UNC79: variants seen among roughly 807,000 people sequenced by gnomAD.
UNC79 encodes unc-79 subunit of NALCN channel complex.
A neutral mutation model predicts 283.1 loss-of-function variants in UNC79; 37 were observed. The ratio of observed to expected loss-of-function variants is 0.13; its 90% CI spans 0.10 to 0.17. UNC79 has a LOEUF of 0.17. Ranked by LOEUF, UNC79 falls within the 10% of genes least tolerant of loss-of-function variation. The pLI, the probability that UNC79 is intolerant of heterozygous loss-of-function variation, is 1.00. For synonymous variants in UNC79, 1,107 were observed against 1,200.2 expected (o/e 0.92, Z 1.61); for missense variants, 2,272 against 3,211.1 (o/e 0.71, Z 7.07).
rs530579449 is a variant in UNC79 at position 93,518,188 on chromosome 14, C to T, written c.899-5790C>T. Among the ~76,000 whole-genome samples, 3 of 151,888 alleles carry T rather than the reference C, an allele frequency of 2.0e-5. No homozygotes were observed. In the South Asian group the frequency reaches 6.2e-4, roughly 32 times the overall value. ...TTATGTAAGATTTGTATTATTTATT[C>T]TTTCAATGATTAATAGAATTTACTG... On this transcript the variant is annotated intron_variant, in intron 7 of 48. Coordinates refer to ENST00000555664, the Ensembl canonical transcript of UNC79.
intron 11 of UNC79, 126 bp from the exon 12 acceptor site, chr14:93,537,863 T>C: frequency 1.1e-6 from 1 of 873,104 alleles, no homozygotes; most frequent in Non-Finnish European, 1.7e-6. Context: ...ACCTGCGCTT[T>C]GGAAACTAGT....
intron 1 of UNC79, among the ~76,000 whole-genome samples, chr14:93,361,091 G>C (rs2054211105): frequency 6.6e-6 from 1 of 151,290 alleles, no homozygotes. Flanking sequence ...GTACACGCCT[G>C]TAATCCCAGC....
chr14:93,562,425 A>G (rs183270490), intron 14 of UNC79, among the ~76,000 whole-genome samples: 1 of 152,312 alleles, frequency 6.6e-6, no homozygotes, highest in African/African-American at 2.4e-5. Context: ...CTGAGCAAGA[A>G]AGTGCGTCCA....
Position 93,474,222 on chromosome 14 carries a change from A to G in UNC79, c.277A>G (p.Thr93Ala), listed in dbSNP as rs986166135. The G allele has an allele frequency of 9.8e-6, 15 of 1,535,670 alleles. No homozygotes were observed. Among genetic ancestry groups the G allele is most frequent in the Admixed American group, 5.9e-5 (3 of 50,954 alleles). The change falls in exon 3 of 49, where the codon ACT becomes GCT. Residue 93 changes from threonine (T) to alanine (A), a missense_variant. This residue lies in a region of UNC79 where 194 missense variants were observed against 268.9 expected (regional missense o/e 0.72). Transcript: ENST00000555664. The surrounding 1 kb of genome is among the most constrained non-coding windows in gnomAD (Gnocchi z 4.1). Reference sequence around the variant, plus strand: ...ACCGCAGGTCAGTTCCATCAACCCTACTGTTACTCGCTCCCTCCTTTACAG... The same window carrying G: ...ACCGCAGGTCAGTTCCATCAACCCTGCTGTTACTCGCTCCCTCCTTTACAG...
rs548605162 is a variant in UNC79, at chr14:93,610,808, G to T, written c.3755-1989G>T. Among the ~76,000 whole-genome samples, 482 of 152,082 alleles carry T rather than the reference G, an allele frequency of 3.2e-3. 3 individuals are homozygous for T. The highest frequency in any genetic ancestry group is 5.1e-3 in the Non-Finnish European group (344 of 67,972). ...GTATTTTTGGTAGAGACCAGGTCTT[G>T]TCATGTTGCCTAGGCTGGTCTCAAA... is the stretch of plus-strand genomic sequence containing the variant. On this transcript the variant is annotated intron_variant, in intron 26 of 48. Coordinates refer to ENST00000555664, the Ensembl canonical transcript of UNC79.
intron 3 of UNC79, among the ~76,000 whole-genome samples, chr14:93,475,433 G>A (rs1425129812): frequency 6.6e-6 from 1 of 152,152 alleles, no homozygotes; most frequent in Admixed American, 6.5e-5. Context: ...AAAATCTACG[G>A]AGATAAAAAT....
chr14:93,497,005 C>A (rs1163653670), intron 6 of UNC79, 152 bp from the exon 7 acceptor site: 4 of 784,786 alleles, frequency 5.1e-6, no homozygotes, highest in Non-Finnish European at 7.9e-6. Context: ...TTGACGTGAT[C>A]TAATCTATGA....
intron 17 of UNC79, among the ~76,000 whole-genome samples, chr14:93,576,386 A>G (rs963479451): frequency 6.6e-6 from 1 of 152,136 alleles, no homozygotes; most frequent in Admixed American, 6.5e-5. Context: ...ATGCAATATA[A>G]CTTTGTAACA....
chr14:93,541,346 T>C (rs7151653), intron 13 of UNC79, among the ~76,000 whole-genome samples: 152,082 of 152,370 alleles, frequency 1, 75,900 homozygotes, highest in Middle Eastern at 1. Context: ...ACTGATTTAA[T>C]TTCAACATCT....
Position 93,598,278 on chromosome 14 carries a change from G to A in UNC79, c.3372+738G>A, listed in dbSNP as rs535246487. 2.3e-3 allele frequency among the ~76,000 whole-genome samples: 348 copies of A among 151,836 alleles called. 3 individuals carry two copies. The highest frequency in any genetic ancestry group is 8.1e-3 in the African/African-American group (334 of 41,390). ...AGTGCTGGGATTATAAGCATGAGCT[G>A]TACTGCCTGGCCCATTTGTTGATAC... On this transcript the variant is annotated intron_variant, in intron 24 of 48. Coordinates refer to ENST00000555664, the Ensembl canonical transcript of UNC79.
At chr14:93,631,255 G>A (rs1298621191) in intron 31 of UNC79, among the ~76,000 whole-genome samples, 2 of 152,134 alleles carry the variant, frequency 1.3e-5, no homozygotes, top group African/African-American at 2.4e-5. Context: ...ATTGTCTATG[G>A]CAGAATTTTA....
At chr14:93,457,987 G>C (rs2056843258) in intron 1 of UNC79, among the ~76,000 whole-genome samples, 1 of 152,028 alleles carries the variant, frequency 6.6e-6, no homozygotes, top group Admixed American at 6.5e-5. Flanking sequence ...CCAATCAAGA[G>C]AAAAAAATAA....
intron 41 of UNC79, among the ~76,000 whole-genome samples, chr14:93,679,349 C>G (rs1005953729): frequency 1.3e-5 from 2 of 152,078 alleles, no homozygotes; most frequent in Non-Finnish European, 2.9e-5. Context: ...TTTCCAGCTA[C>G]TCGGGAGGCT....
intron 1 of UNC79, among the ~76,000 whole-genome samples, chr14:93,377,125 G>A (rs892696298): frequency 2.0e-4 from 27 of 138,144 alleles, no homozygotes; most frequent in African/African-American, 6.3e-4. Context: ...TTGAGATGGA[G>A]TCTCGCTCTG....
intron 1 of UNC79, among the ~76,000 whole-genome samples, chr14:93,374,224 A>G (rs765029921): frequency 3.2e-4 from 49 of 152,318 alleles, no homozygotes; most frequent in Non-Finnish European, 4.3e-4. Context: ...GTCACCGGCA[A>G]CATGCAACAT....
intron 14 of UNC79, among the ~76,000 whole-genome samples, chr14:93,566,079 A>G (rs1389238175): frequency 6.6e-6 from 1 of 152,188 alleles, no homozygotes; most frequent in African/African-American, 2.4e-5. Flanking sequence ...GAAAACTCCC[A>G]GTTGCAGCAA....
At chr14:93,575,036 G>T (rs1304206284) in intron 16 of UNC79, 22 bp from the exon 17 acceptor site, 1 of 1,580,314 alleles carries the variant, frequency 6.3e-7, no homozygotes, top group African/African-American at 1.4e-5. Flanking sequence ...TTTTTTGGGG[G>T]ATATATGCCT....
At chr14:93,497,732 A>G (rs914717137) in intron 7 of UNC79, among the ~76,000 whole-genome samples, 1 of 152,218 alleles carries the variant, frequency 6.6e-6, no homozygotes, top group Admixed American at 6.5e-5. Context: ...TCATGCCTGT[A>G]ATACTAGCAC....
At chr14:93,698,476 G>GATTTTTTTTTTTTTTTTTTTTTTTTT (rs1555408706) in intron 47 of UNC79, among the ~76,000 whole-genome samples, 1 of 79,096 alleles carries the variant, frequency 1.3e-5, no homozygotes, top group African/African-American at 4.0e-5. Context: ...TTTAGTTTAG[G>GATTTTTTTTTTTTTTTTTTTTTTTTT]TTTTTTTTTT....
Sources: gnomAD v4.1 joint callset for allele counts (sites outside exome capture counted in the v4.1 genomes callset) on GRCh38, gnomAD v4.1.1 for gene constraint, gnomAD v4.1.1 regional missense constraint, Gnocchi (gnomAD v3.1) non-coding constraint, MANE v1.5 for transcripts, NCBI Gene and HGNC (gene_info 2026-07-23, HGNC 2026-07-21) for gene names.